MAML3: variants seen among roughly 807,000 people sequenced by gnomAD.
MAML3 encodes mastermind like transcriptional coactivator 3.
In MAML3, 27 loss-of-function variants were observed where a neutral mutation model predicts 101.9. The ratio of observed to expected loss-of-function variants is 0.27; its 90% confidence interval spans 0.20 to 0.37. The LOEUF is 0.37. Ranked by LOEUF, MAML3 falls within the 10% of genes least tolerant of loss-of-function variation. The pLI, the probability that MAML3 is intolerant of heterozygous loss-of-function variation, is 1.00. For missense variants in MAML3, 1,316 were observed against 1,444.9 expected (o/e 0.91, Z 1.45); for synonymous variants, 501 against 555.9 (o/e 0.90, Z 1.39).
chr4:140,039,135 A>C (rs1043386148), intron 1 of MAML3, among the ~76,000 whole-genome samples: 10 of 152,202 alleles, frequency 6.6e-5, no homozygotes, highest in Non-Finnish European at 1.3e-4. Flanking sequence ...AAAAAGAAAA[A>C]AAAGAAAAGA....
intron 1 of MAML3, among the ~76,000 whole-genome samples, chr4:140,034,579 G>C (rs1227182568): frequency 6.6e-6 from 1 of 152,182 alleles, no homozygotes; most frequent in African/African-American, 2.4e-5. Flanking sequence ...TCTATTTTGT[G>C]CTAGATGCTC....
chr4:140,007,523 C>T (rs1388000491), intron 1 of MAML3, among the ~76,000 whole-genome samples: 2 of 152,080 alleles, frequency 1.3e-5, no homozygotes, highest in African/African-American at 4.8e-5. Flanking sequence ...GAGGGAATGC[C>T]TCAGAGATCT....
At chr4:139,756,066 G>A (rs1022445532) in intron 2 of MAML3, among the ~76,000 whole-genome samples, 3 of 152,234 alleles carry the variant, frequency 2.0e-5, no homozygotes, top group African/African-American at 4.8e-5. Flanking sequence ...TTAGGAAAGC[G>A]GCACATAGTA....
chr4:140,024,890 TTAATAACAAAAGTGAGAGAA>T (rs1221310538), intron 1 of MAML3, among the ~76,000 whole-genome samples: 1 of 152,126 alleles, frequency 6.6e-6, no homozygotes, highest in Non-Finnish European at 1.5e-5. Flanking sequence ...TCCCAAATGC[TTAATAACAAAAGTGAGAGAA>T]CCATCCAAAA....
chr4:139,893,396 T>C (rs2111202943), intron 1 of MAML3, among the ~76,000 whole-genome samples: 1 of 152,302 alleles, frequency 6.6e-6, no homozygotes, highest in South Asian at 2.1e-4. Flanking sequence ...CAGTCTGTAC[T>C]TCACTACCAT....
At chr4:139,991,733 GAGCTT>G in intron 1 of MAML3, among the ~76,000 whole-genome samples, 1 of 152,036 alleles carries the variant, frequency 6.6e-6, no homozygotes, top group Non-Finnish European at 1.5e-5. Flanking sequence ...TATAATCTCA[GAGCTT>G]TGGGAGGCTG....
At position 139,771,866 on chromosome 4, in the gene MAML3, A is replaced by G. The variant is rs6835277; in HGVS notation, c.2080-41199T>C. Among the ~76,000 whole-genome samples the G allele has an allele frequency of 1.4e-4, 21 of 151,168 alleles. No individual in the cohort carries two copies. In the South Asian group the frequency reaches 4.4e-3, roughly 32 times the overall value. On this transcript the variant is annotated intron_variant, in intron 2 of 4. Transcript: ENST00000509479. ...TATCTTCAATTGGAACAAGCTCACC[A>G]GGTGATACACTGAAGTTTGGGAATC... is the stretch of plus-strand genomic sequence containing the variant.
intron 1 of MAML3, among the ~76,000 whole-genome samples, chr4:140,097,289 A>G (rs1728180034): frequency 6.6e-6 from 1 of 152,160 alleles, no homozygotes; most frequent in South Asian, 2.1e-4. Flanking sequence ...TTTGGTCTTG[A>G]TAACCCACTC....
chr4:139,862,804 A>C (rs1293753456), intron 2 of MAML3, among the ~76,000 whole-genome samples: 1 of 152,234 alleles, frequency 6.6e-6, no homozygotes, highest in Non-Finnish European at 1.5e-5. Context: ...TGTAGGTAGC[A>C]GTGTTGAGTG....
intron 1 of MAML3, among the ~76,000 whole-genome samples, chr4:139,981,482 A>C (rs1169157452): frequency 1.3e-5 from 2 of 152,204 alleles, no homozygotes; most frequent in Non-Finnish European, 2.9e-5. Context: ...AAGTTCCCAT[A>C]TATCCTGTAC....
intron 1 of MAML3, among the ~76,000 whole-genome samples, chr4:139,937,948 G>A (rs1411883232): frequency 2.0e-5 from 3 of 152,088 alleles, no homozygotes; most frequent in Non-Finnish European, 4.4e-5. Context: ...GCTTCCACTC[G>A]ATGTCCCTTG....
chr4:139,950,898 C>G (rs184929019), intron 1 of MAML3, among the ~76,000 whole-genome samples: 2 of 152,272 alleles, frequency 1.3e-5, no homozygotes, highest in South Asian at 4.1e-4. Flanking sequence ...CTTGAAGAGG[C>G]CATCGGGTTA....
intron 2 of MAML3, among the ~76,000 whole-genome samples, chr4:139,843,199 C>T (rs1055784407): frequency 7.9e-5 from 12 of 152,124 alleles, no homozygotes; most frequent in African/African-American, 2.9e-4. Context: ...TCTACGTGTA[C>T]CCACCTGATA....
chr4:139,917,756 A>G lies in MAML3; in HGVS notation c.469-26789T>C, dbSNP rs1482856218. Among the ~76,000 whole-genome samples the G allele has an allele frequency of 5.3e-5, 8 of 152,326 alleles. No homozygotes were observed. The East Asian group carries it at 1.4e-3, about 26-fold the overall frequency. ...CCTGTCCCTTGAAGTTTTCATACCA[A>G]GGCTGCATGTTCATCTGTCAGGGAT... On this transcript the variant is annotated intron_variant, in intron 1 of 4. Coordinates refer to ENST00000509479, the MANE Select transcript of MAML3 (RefSeq NM_018717.5).
chr4:139,933,306 G>GC (rs1733439292), intron 1 of MAML3, among the ~76,000 whole-genome samples: 1 of 152,092 alleles, frequency 6.6e-6, no homozygotes, highest in Admixed American at 6.5e-5. Flanking sequence ...CTCAGGGCCC[G>GC]CCCATGAGCA....
At chr4:139,997,437 T>C (rs1450772348) in intron 1 of MAML3, among the ~76,000 whole-genome samples, 1 of 152,106 alleles carries the variant, frequency 6.6e-6, no homozygotes, top group African/African-American at 2.4e-5. Flanking sequence ...TTTGCTCCAA[T>C]AGAGCTCCAT....
chr4:140,035,441 T>C (rs541423214), intron 1 of MAML3, among the ~76,000 whole-genome samples: 1 of 152,318 alleles, frequency 6.6e-6, no homozygotes, highest in African/African-American at 2.4e-5. Context: ...TAATAACATA[T>C]AGCTTTTAAA....
intron 2 of MAML3, among the ~76,000 whole-genome samples, chr4:139,807,976 A>G (rs535808777): frequency 2.6e-5 from 4 of 152,352 alleles, no homozygotes; most frequent in African/African-American, 9.6e-5. Context: ...GGGCTGTTCT[A>G]TAATCAGGAC....
intron 1 of MAML3, among the ~76,000 whole-genome samples, chr4:140,106,796 G>A (rs1728359292): frequency 6.6e-6 from 1 of 152,174 alleles, no homozygotes; most frequent in Non-Finnish European, 1.5e-5. Flanking sequence ...AAAATATGAA[G>A]GCTTAGCAAA....
Sources: gnomAD v4.1 joint callset for allele counts (sites outside exome capture counted in the v4.1 genomes callset) on GRCh38, gnomAD v4.1.1 for gene constraint, MANE v1.5 for transcripts, NCBI Gene and HGNC (gene_info 2026-07-23, HGNC 2026-07-21) for gene names.